The following ATXN1 variants were observed in gnomAD, a reference collection of about 807,000 sequenced individuals.
ATXN1 encodes ataxin 1, also known as ataxin-1.
ATXN1 carries 8 observed loss-of-function variants against 56.4 expected under a neutral mutation model. The observed-to-expected ratio is 0.14, with a 90% CI of 0.08 to 0.26. The LOEUF is 0.26. Ranked by LOEUF, ATXN1 falls within the 10% of genes least tolerant of loss-of-function variation. The pLI is 1.00. For synonymous variants in ATXN1, 514 were observed against 494.6 expected (o/e 1.04, Z -0.52); for missense variants, 987 against 1,106.5 (o/e 0.89, Z 1.53).
chr6:16,562,506 G>A (rs1461382204), intron 4 of ATXN1, among the ~76,000 whole-genome samples: 5 of 149,032 alleles, frequency 3.4e-5, no homozygotes, highest in African/African-American at 9.9e-5. Context: ...GAAAGGAAAG[G>A]AAAAAGAAAA....
chr6:16,537,479 T>C (rs1461022040), intron 4 of ATXN1, among the ~76,000 whole-genome samples: 1 of 150,854 alleles, frequency 6.6e-6, no homozygotes. Context: ...CTGGGGCAGA[T>C]GGATCACCTG....
chr6:16,565,210 G>C (rs1281097973), intron 4 of ATXN1, among the ~76,000 whole-genome samples: 2 of 152,140 alleles, frequency 1.3e-5, no homozygotes, highest in Admixed American at 6.5e-5. Context: ...TTATGAAAAA[G>C]AATAAGGGGG....
At chr6:16,742,239 G>T (rs892434812) in intron 2 of ATXN1, among the ~76,000 whole-genome samples, 1 of 152,050 alleles carries the variant, frequency 6.6e-6, no homozygotes, top group Non-Finnish European at 1.5e-5. Context: ...ACACCAGAAA[G>T]GCAGCAGCTG....
intron 6 of ATXN1, among the ~76,000 whole-genome samples, chr6:16,384,537 G>A (rs566059193): frequency 6.6e-6 from 1 of 152,344 alleles, no homozygotes; most frequent in South Asian, 2.1e-4. Context: ...GAGCTCCATT[G>A]ATATGGTTGG....
intron 2 of ATXN1, among the ~76,000 whole-genome samples, chr6:16,724,541 G>A (rs1472872076): frequency 6.6e-6 from 1 of 152,160 alleles, no homozygotes; most frequent in Non-Finnish European, 1.5e-5. Context: ...GTGAAAAACA[G>A]CCACTGGAGC....
chr6:16,436,871 G>A (rs1233421115), intron 6 of ATXN1, among the ~76,000 whole-genome samples: 3 of 152,184 alleles, frequency 2.0e-5, no homozygotes, highest in Admixed American at 6.5e-5. Context: ...GCATGGAGGA[G>A]ATATTCTGAG....
intron 2 of ATXN1, among the ~76,000 whole-genome samples, chr6:16,661,081 C>T (rs895188694): frequency 6.6e-6 from 1 of 151,786 alleles, no homozygotes; most frequent in African/African-American, 2.4e-5. Flanking sequence ...TCGTGATTCA[C>T]CCGCTTTGAC....
chr6:16,308,524 T>C (rs1760313215), intron 7 of ATXN1, among the ~76,000 whole-genome samples: 1 of 152,074 alleles, frequency 6.6e-6, no homozygotes, highest in East Asian at 1.9e-4. Context: ...GAACAGGTAA[T>C]GGAGTTCAGG....
intron 2 of ATXN1, among the ~76,000 whole-genome samples, chr6:16,744,777 C>T (rs565848458): frequency 2.6e-4 from 40 of 152,282 alleles, no homozygotes; most frequent in African/African-American, 8.7e-4. Context: ...AGAATTTGAG[C>T]TGCGGTAATC....
At chr6:16,754,868 A>T (rs1335559139) in intron 1 of ATXN1, 1 of 152,230 alleles carries the variant, frequency 6.6e-6, no homozygotes, top group African/African-American at 2.4e-5. Context: ...GGCCAAGTTA[A>T]GTAGAAGTTG....
chr6:16,657,140 C>T lies in ATXN1; in HGVS notation c.-489+636G>A, dbSNP rs539884273. Among the ~76,000 whole-genome samples the T allele has an allele frequency of 7.2e-5, 11 of 152,048 alleles. No homozygotes were observed. The South Asian group carries it at 2.3e-3, about 32-fold the overall frequency. On this transcript the variant is annotated intron_variant, in intron 3 of 7. Coordinates refer to ENST00000436367, the MANE Select transcript of ATXN1 (RefSeq NM_001128164.2). The stretch of plus-strand genomic sequence containing the variant: ...CTGGGACTACAAGCGCCCGCCACTA[C>T]ACCCGGCTAATTTTTTTTTTGTATT...
At chr6:16,372,627 C>T (rs74291718) in intron 6 of ATXN1, among the ~76,000 whole-genome samples, 5,904 of 152,220 alleles carry the variant, frequency 0.039, 243 homozygotes, top group East Asian at 0.23. Flanking sequence ...TAAAACATGA[C>T]TGTGGGCTGG....
intron 6 of ATXN1, among the ~76,000 whole-genome samples, chr6:16,377,877 T>C (rs1762175257): frequency 6.6e-6 from 1 of 152,244 alleles, no homozygotes; most frequent in Admixed American, 6.5e-5. Flanking sequence ...AGTGATTTGC[T>C]AAGGCTCCAC....
intron 3 of ATXN1, among the ~76,000 whole-genome samples, chr6:16,637,937 A>G (rs965970946): frequency 1.3e-5 from 2 of 152,244 alleles, no homozygotes; most frequent in Non-Finnish European, 2.9e-5. Flanking sequence ...AGAGGTAGGC[A>G]TAGCCCTTTA....
chr6:16,509,519 C>G (rs1407840705), intron 5 of ATXN1, among the ~76,000 whole-genome samples: 1 of 152,130 alleles, frequency 6.6e-6, no homozygotes, highest in African/African-American at 2.4e-5. Context: ...AATTCTGTAG[C>G]CATTCAGGAC....
chr6:16,336,610 A>AAC (rs1315063186), intron 6 of ATXN1, among the ~76,000 whole-genome samples: 1 of 152,236 alleles, frequency 6.6e-6, no homozygotes, highest in East Asian at 1.9e-4. Flanking sequence ...TGAGAGCACT[A>AAC]ACATGCTTTT....
intron 6 of ATXN1, among the ~76,000 whole-genome samples, chr6:16,344,887 A>G (rs73724841): frequency 0.027 from 4,080 of 152,294 alleles, 163 homozygotes; most frequent in African/African-American, 0.092. Context: ...TTAGGCAATC[A>G]TTCCTAAACT....
intron 2 of ATXN1, among the ~76,000 whole-genome samples, chr6:16,711,494 T>TA (rs1284131880): frequency 1.3e-5 from 2 of 151,794 alleles, no homozygotes; most frequent in Non-Finnish European, 2.9e-5. Context: ...ATATTTCTGA[T>TA]AAATGACTTA....
At chr6:16,488,665 G>C (rs1256807089) in intron 5 of ATXN1, among the ~76,000 whole-genome samples, 1 of 152,132 alleles carries the variant, frequency 6.6e-6, no homozygotes, top group Non-Finnish European at 1.5e-5. Context: ...CATCCAACAG[G>C]CTCATTCATG....
Sources: allele counts gnomAD v4.1 joint callset (sites outside exome capture counted in the v4.1 genomes callset), GRCh38; gene constraint gnomAD v4.1.1; transcripts MANE v1.5; gene names NCBI Gene and HGNC (gene_info 2026-07-23, HGNC 2026-07-21).